SULF1: variants seen among roughly 807,000 people sequenced by gnomAD.
The protein encoded by SULF1 is extracellular sulfatase Sulf-1.
Under a neutral mutation model 110.5 loss-of-function variants are expected in SULF1, and 46 were observed. That is an observed-to-expected ratio of 0.42 (90% CI 0.33 to 0.53). The LOEUF (loss-of-function observed/expected upper bound fraction) is 0.53, where lower values mean the gene tolerates loss of function less well. Among genes scored for constraint, SULF1 ranks in the 20% least tolerant of loss-of-function variants. SULF1 has a pLI of 0.12. For missense variants in SULF1, 941 were observed against 1,094.2 expected, an observed-to-expected ratio of 0.86 and a Z score of 1.98; for synonymous variants, 371 against 387.1, an observed-to-expected ratio of 0.96 and a Z score of 0.49.
intron 6 of SULF1, among the ~76,000 whole-genome samples, chr8:69,579,564 C>CAAAA (rs1416643898): frequency 5.3e-4 from 56 of 104,786 alleles, no homozygotes; most frequent in South Asian, 1.2e-3. Flanking sequence ...CACACACACA[C>CAAAA]AAAAAAAAAA....
chr8:69,553,514 A>G (rs1471147077), intron 3 of SULF1, among the ~76,000 whole-genome samples: 3 of 152,238 alleles, frequency 2.0e-5, no homozygotes, highest in Non-Finnish European at 4.4e-5. Flanking sequence ...ACTTCTATTA[A>G]TGATGGCAAC....
Position 69,589,139 on chromosome 8 carries a change from C to T in SULF1, c.732C>T (p.His244=). Residue 244 remains histidine, a splice_region_variant and synonymous_variant, in exon 8 of 23, where the codon CAC becomes CAT. Transcript: ENST00000402687. ...AACTGTACCCCAATGCTTCCCAACACATGTAAGTAACAAACTCAACTCTGC... is the reference window on the plus strand; with the variant it reads ...AACTGTACCCCAATGCTTCCCAACATATGTAAGTAACAAACTCAACTCTGC... ...FSKLYPNASQ[H]ITPSYNYAPN... 1.9e-6 allele frequency: 3 copies of T among 1,612,698 alleles called. No homozygotes were observed. The highest frequency in any genetic ancestry group is 2.5e-6 in the Non-Finnish European group (3 of 1,178,960).
At position 69,603,718 on chromosome 8, in the gene SULF1, A is replaced by T. The variant is rs1480626129; in HGVS notation, c.1247+62A>T. ...TCCTAGTGGGCAGCTTTCCCTGCTG[A>T]GTATTTTTTTTCTCCTTATTTTTGT... On this transcript the variant is annotated intron_variant, in intron 12 of 22. Transcript: ENST00000402687. 3.5e-6 allele frequency: 4 copies of T among 1,140,194 alleles called. No individual in the cohort carries two copies. The East Asian group carries it at 7.0e-5, about 20-fold the overall frequency. 70.6% of individuals were successfully genotyped at this position (1,140,194 alleles called of 1,614,324 possible).
intron 5 of SULF1, among the ~76,000 whole-genome samples, chr8:69,568,287 C>T (rs1435370783): frequency 4.6e-5 from 7 of 152,112 alleles, no homozygotes; most frequent in Admixed American, 4.6e-4. Context: ...AAGCATAAAA[C>T]AATCCTATCT....
chr8:69,633,023 A>T (rs1349482154), intron 19 of SULF1, among the ~76,000 whole-genome samples: 2 of 142,432 alleles, frequency 1.4e-5, no homozygotes, highest in South Asian at 4.3e-4. Flanking sequence ...ATGTCAGAAG[A>T]AAAAAAAAAA....
chr8:69,578,938 C>A (rs144614699), intron 6 of SULF1, among the ~76,000 whole-genome samples: 1 of 151,684 alleles, frequency 6.6e-6, no homozygotes, highest in Non-Finnish European at 1.5e-5. Flanking sequence ...ACAAGGCTGG[C>A]GGATCACGAG....
intron 5 of SULF1, among the ~76,000 whole-genome samples, chr8:69,566,841 C>T (rs577772606): frequency 1.3e-5 from 2 of 152,282 alleles, no homozygotes; most frequent in East Asian, 3.9e-4. Context: ...CAGAGCGAGA[C>T]TCCATTTCAA....
intron 5 of SULF1, among the ~76,000 whole-genome samples, chr8:69,571,311 C>T (rs1472246292): frequency 1.3e-5 from 2 of 152,238 alleles, no homozygotes; most frequent in East Asian, 1.9e-4. Context: ...GGCATCCTGC[C>T]GTTTGCTCAG....
intron 19 of SULF1, among the ~76,000 whole-genome samples, chr8:69,632,455 A>G (rs1238759197): frequency 6.6e-6 from 1 of 152,164 alleles, no homozygotes; most frequent in Non-Finnish European, 1.5e-5. Flanking sequence ...GCTATGCTTA[A>G]ATATTTTTAT....
rs752880935 is a variant in SULF1 at position 69,576,001 on chromosome 8, G to C, written c.204G>C (p.Lys68Asn). 1.9e-6 allele frequency: 3 copies of C among 1,614,040 alleles called. No homozygotes were observed. The South Asian group carries it at 3.3e-5, about 18-fold the overall frequency. ...TGCAAGTCATGAACAAAACGAGAAA[G>C]ATTATGGAACATGGGGGGGCCACCT... ...GSLQVMNKTR[K>N]IMEHGGATFI... The change falls in exon 6 of 23, where the codon AAG becomes AAC. Residue 68 changes from lysine to asparagine, a missense_variant. By Grantham distance (94) the Lys-to-Asn change is moderately conservative (BLOSUM62 0). Transcript: ENST00000402687.
chr8:69,481,027 T>G (rs552453410), intron 1 of SULF1, among the ~76,000 whole-genome samples: 2 of 152,128 alleles, frequency 1.3e-5, no homozygotes, highest in Non-Finnish European at 2.9e-5. Flanking sequence ...CCCTAAAACT[T>G]AAAGTATAAT....
intron 1 of SULF1, among the ~76,000 whole-genome samples, chr8:69,486,735 G>A (rs7844864): frequency 0.01 from 1,561 of 152,276 alleles, 27 homozygotes; most frequent in African/African-American, 0.036. Context: ...AAGTGCTCAT[G>A]TCTCAGACTT....
chr8:69,467,516 A>G (rs75423076), intron 1 of SULF1, among the ~76,000 whole-genome samples: 5,323 of 152,334 alleles, frequency 0.035, 268 homozygotes, highest in African/African-American at 0.12. Context: ...CTGAACAGCC[A>G]CTAGGTCGGC....
chr8:69,598,926 C>CT (rs1807563404), intron 8 of SULF1, among the ~76,000 whole-genome samples: 1 of 152,188 alleles, frequency 6.6e-6, no homozygotes, highest in Non-Finnish European at 1.5e-5. Flanking sequence ...ACCAGGGTAA[C>CT]TTTGTCAACC....
chr8:69,577,556 C>T (rs990374777), intron 6 of SULF1, among the ~76,000 whole-genome samples: 1 of 152,078 alleles, frequency 6.6e-6, no homozygotes, highest in Non-Finnish European at 1.5e-5. Flanking sequence ...TTGGGACTCT[C>T]ACATATCCAG....
At chr8:69,580,008 A>G (rs1191592737) in intron 6 of SULF1, among the ~76,000 whole-genome samples, 1 of 152,230 alleles carries the variant, frequency 6.6e-6, no homozygotes, top group Non-Finnish European at 1.5e-5. Flanking sequence ...ACAAATTACT[A>G]AAGGGCTTAT....
chr8:69,633,328 CTTTTT>C (rs200590898), intron 19 of SULF1, among the ~76,000 whole-genome samples: 2 of 134,110 alleles, frequency 1.5e-5, no homozygotes. Context: ...TCAGGACATT[CTTTTT>C]TTTTTTTTTT....
At chr8:69,632,883 G>A (rs367892264) in intron 19 of SULF1, among the ~76,000 whole-genome samples, 112 of 151,978 alleles carry the variant, frequency 7.4e-4, no homozygotes, top group African/African-American at 2.4e-3. Context: ...AAAATTAGCC[G>A]GGCTTGGTGG....
At chr8:69,497,808 A>T (rs1362595950) in intron 2 of SULF1, among the ~76,000 whole-genome samples, 1 of 152,192 alleles carries the variant, frequency 6.6e-6, no homozygotes, top group Non-Finnish European at 1.5e-5. Context: ...TATAGCATGG[A>T]TTCCTAAGTG....
Sources: allele counts gnomAD v4.1 joint callset (sites outside exome capture counted in the v4.1 genomes callset), GRCh38; gene constraint gnomAD v4.1.1; transcripts MANE v1.5; gene names NCBI Gene and HGNC (gene_info 2026-07-23, HGNC 2026-07-21).